Variants in BACH2 observed in about 807,000 individuals in gnomAD.
BACH2 encodes the protein BACH transcriptional regulator 2.
Under a neutral mutation model 61.8 loss-of-function variants are expected in BACH2, and 5 were observed. The observed-to-expected ratio is 0.08, with a 90% confidence interval of 0.04 to 0.17. The LOEUF (loss-of-function observed/expected upper bound fraction) is 0.17, where lower values mean the gene tolerates loss of function less well. Ranked by LOEUF, BACH2 falls within the 10% of genes least tolerant of loss-of-function variation. The pLI is 1.00. For synonymous variants in BACH2, 446 were observed against 440.1 expected (o/e 1.01, Z -0.17); for missense variants, 824 against 1,091.1 (o/e 0.76, Z 3.45).
At chr6:90,252,005 T>C (rs1402280893) in intron 3 of BACH2, among the ~76,000 whole-genome samples, 2 of 152,146 alleles carry the variant, frequency 1.3e-5, no homozygotes, top group East Asian at 3.8e-4. Context: ...CAAAATTTTT[T>C]TTAGAATTGA....
At chr6:90,066,634 AAG>A (rs1780980097) in intron 5 of BACH2, among the ~76,000 whole-genome samples, 1 of 152,192 alleles carries the variant, frequency 6.6e-6, no homozygotes, top group Non-Finnish European at 1.5e-5. Context: ...TACAAAAGAA[AAG>A]AGAGACATCT....
chr6:90,024,942 G>A (rs1049900843), intron 5 of BACH2, among the ~76,000 whole-genome samples: 2 of 152,130 alleles, frequency 1.3e-5, no homozygotes, highest in African/African-American at 2.4e-5. Flanking sequence ...CTCAAAAGCC[G>A]TCTTAGGTAT....
At chr6:89,983,082 T>G (rs1776046260) in intron 6 of BACH2, among the ~76,000 whole-genome samples, 1 of 152,216 alleles carries the variant, frequency 6.6e-6, no homozygotes, top group Non-Finnish European at 1.5e-5. Flanking sequence ...CACCTGCAGG[T>G]GCTGAGAGCT....
intron 3 of BACH2, among the ~76,000 whole-genome samples, chr6:90,216,091 G>A (rs1003289790): frequency 6.6e-6 from 1 of 152,182 alleles, no homozygotes; most frequent in African/African-American, 2.4e-5. Flanking sequence ...AGGTCTGCAG[G>A]GAGTCACTGC....
intron 5 of BACH2, among the ~76,000 whole-genome samples, chr6:90,041,111 G>T (rs1779512032): frequency 6.6e-6 from 1 of 152,134 alleles, no homozygotes; most frequent in Non-Finnish European, 1.5e-5. Flanking sequence ...CAATGTTAAA[G>T]AAATAACAAT....
intron 6 of BACH2, among the ~76,000 whole-genome samples, chr6:89,990,594 C>A (rs138885978): frequency 3.9e-5 from 6 of 152,006 alleles, no homozygotes. Flanking sequence ...TGAAGGCAAC[C>A]CATCTACCTT....
intron 4 of BACH2, among the ~76,000 whole-genome samples, chr6:90,089,446 G>A (rs1031301363): frequency 2.0e-5 from 3 of 151,888 alleles, no homozygotes; most frequent in Admixed American, 6.6e-5. Context: ...TTCATCTCAC[G>A]TTTTCTGTCA....
chr6:89,993,299 C>T lies in BACH2; in HGVS notation c.243+15303G>A, dbSNP rs1027803955. ...TAAGGATTGAGTTAAGAGAAAATCA[C>T]TTAACTTAATAAAACTTAAAAACTT... On this transcript the variant is annotated intron_variant, in intron 6 of 8. Transcript: ENST00000257749. Among the ~76,000 whole-genome samples, 5 of 152,100 alleles carry T rather than the reference C, an allele frequency of 3.3e-5. No homozygotes were observed. In the South Asian group the frequency reaches 1.0e-3, roughly 32 times the overall value.
At chr6:90,091,986 G>A (rs964272089) in intron 4 of BACH2, among the ~76,000 whole-genome samples, 1 of 151,952 alleles carries the variant, frequency 6.6e-6, no homozygotes, top group Non-Finnish European at 1.5e-5. Context: ...AAGTTTCTAA[G>A]CAGACCAGAG....
intron 6 of BACH2, among the ~76,000 whole-genome samples, chr6:89,994,470 G>C (rs1179912669): frequency 6.6e-6 from 1 of 152,182 alleles, no homozygotes; most frequent in African/African-American, 2.4e-5. Flanking sequence ...AAATCTAATT[G>C]AGTTCCTTTG....
intron 5 of BACH2, among the ~76,000 whole-genome samples, chr6:90,041,899 TTTTAAG>T: frequency 6.6e-6 from 1 of 152,324 alleles, no homozygotes; most frequent in Admixed American, 6.5e-5. Flanking sequence ...TCCTGCTATA[TTTTAAG>T]TTTGTTTTAT....
At position 90,118,395 on chromosome 6, in the gene BACH2, C is replaced by T. The variant is rs143270521; in HGVS notation, c.-161-29286G>A. On this transcript the variant is annotated intron_variant, in intron 4 of 8. Coordinates refer to ENST00000257749, the MANE Select transcript of BACH2 (RefSeq NM_021813.4). ...GCTTGCAAGTTAGGAAAAAAAGTTG[C>T]TCTCCAGTGATTAAAACAGCTCTCT... is the stretch of plus-strand genomic sequence containing the variant. 4.3e-3 allele frequency among the ~76,000 whole-genome samples: 660 copies of T among 152,294 alleles called. 5 individuals carry two copies. Among genetic ancestry groups the T allele is most frequent in the South Asian group, 0.029 (142 of 4,826 alleles).
At chr6:90,142,871 G>C (rs1037584230) in intron 4 of BACH2, among the ~76,000 whole-genome samples, 9 of 152,106 alleles carry the variant, frequency 5.9e-5, no homozygotes, top group Non-Finnish European at 1.3e-4. Context: ...AAAAGGAAGA[G>C]ACATTATACA....
intron 4 of BACH2, among the ~76,000 whole-genome samples, chr6:90,095,369 T>G (rs1782340756): frequency 6.6e-6 from 1 of 152,134 alleles, no homozygotes; most frequent in African/African-American, 2.4e-5. Flanking sequence ...GAAAGTGGGC[T>G]TTTTTGCTGC....
chr6:90,270,003 TACTTC>T (rs1771469063), intron 2 of BACH2, among the ~76,000 whole-genome samples: 1 of 152,214 alleles, frequency 6.6e-6, no homozygotes, highest in Non-Finnish European at 1.5e-5. Context: ...ATTCCTGAGT[TACTTC>T]ACTTAGGATA....
At chr6:90,277,340 C>A (rs1227717435) in intron 1 of BACH2, among the ~76,000 whole-genome samples, 1 of 152,156 alleles carries the variant, frequency 6.6e-6, no homozygotes, top group Admixed American at 6.5e-5. Flanking sequence ...TGGTGTCATG[C>A]ACAATATGAG....
chr6:90,176,883 A>G (rs1478208479), intron 4 of BACH2, among the ~76,000 whole-genome samples: 1 of 152,002 alleles, frequency 6.6e-6, no homozygotes, highest in East Asian at 1.9e-4. Flanking sequence ...GGATTGACCC[A>G]TATCCACCCA....
chr6:90,109,840 C>T (rs1446177569), intron 4 of BACH2, among the ~76,000 whole-genome samples: 1 of 152,062 alleles, frequency 6.6e-6, no homozygotes, highest in Non-Finnish European at 1.5e-5. Context: ...TCCTTTACAA[C>T]CTTAAAAATT....
chr6:90,011,929 AAT>A (rs1482799397), intron 5 of BACH2, among the ~76,000 whole-genome samples: 17 of 78,964 alleles, frequency 2.2e-4, no homozygotes, highest in African/African-American at 3.8e-4. Context: ...CAAAAAAAAA[AAT>A]ATGTGTGTGT....
Sources: gnomAD v4.1 joint callset for allele counts (sites outside exome capture counted in the v4.1 genomes callset) on GRCh38, gnomAD v4.1.1 for gene constraint, MANE v1.5 for transcripts, NCBI Gene and HGNC (gene_info 2026-07-23, HGNC 2026-07-21) for gene names.